Variants in ITFG1 observed in about 807,000 individuals in gnomAD.
ITFG1 encodes T-cell immunomodulatory protein.
In ITFG1, 34 loss-of-function variants were observed where a neutral mutation model predicts 81.8. The observed-to-expected ratio is 0.42, with a 90% CI of 0.32 to 0.55. ITFG1 has a LOEUF of 0.55. Among genes scored for constraint, ITFG1 ranks in the 20% least tolerant of loss-of-function variants. The pLI, the probability that ITFG1 is intolerant of heterozygous loss-of-function variation, is 0.17. For missense variants in ITFG1, 672 were observed against 755.4 expected, an observed-to-expected ratio of 0.89 and a Z score of 1.29; for synonymous variants, 285 against 270.6, an observed-to-expected ratio of 1.05 and a Z score of -0.52.
intron 8 of ITFG1, among the ~76,000 whole-genome samples, chr16:47,351,040 A>T (rs1967945797): frequency 6.6e-6 from 1 of 152,228 alleles, no homozygotes. Context: ...TCAATAAACT[A>T]GGTATTGATG....
At chr16:47,293,944 T>A (rs751052839) in intron 10 of ITFG1, among the ~76,000 whole-genome samples, 18 of 152,196 alleles carry the variant, frequency 1.2e-4, no homozygotes, top group South Asian at 6.2e-4. Context: ...AGCTGCCTGG[T>A]GGCCAGAAGA....
At chr16:47,179,217 C>T (rs1965068287) in intron 14 of ITFG1, among the ~76,000 whole-genome samples, 1 of 152,160 alleles carries the variant, frequency 6.6e-6, no homozygotes, top group Admixed American at 6.5e-5. Flanking sequence ...CCCAGCCATC[C>T]CATTACTGGG....
At chr16:47,315,413 A>C (rs958261708) in intron 8 of ITFG1, among the ~76,000 whole-genome samples, 3 of 152,170 alleles carry the variant, frequency 2.0e-5, no homozygotes, top group Admixed American at 2.0e-4. Context: ...ACTTCATTAA[A>C]ACCAAACCAT....
intron 6 of ITFG1, among the ~76,000 whole-genome samples, chr16:47,427,717 T>C (rs1969041308): frequency 6.6e-6 from 1 of 152,218 alleles, no homozygotes; most frequent in South Asian, 2.1e-4. Flanking sequence ...ACAGCACAGA[T>C]GTGTACAGCA....
chr16:47,307,167 A>C (rs1967182599), intron 10 of ITFG1, among the ~76,000 whole-genome samples: 1 of 151,304 alleles, frequency 6.6e-6, no homozygotes, highest in South Asian at 2.1e-4. Context: ...GAAATTAAAA[A>C]GGCAAATAAT....
intron 8 of ITFG1, among the ~76,000 whole-genome samples, chr16:47,326,463 G>C (rs1359607055): frequency 6.6e-6 from 1 of 152,172 alleles, no homozygotes; most frequent in Non-Finnish European, 1.5e-5. Context: ...AGTGTTGGAA[G>C]TTCTGGCCAG....
chr16:47,316,811 G>A (rs766110504), intron 8 of ITFG1, among the ~76,000 whole-genome samples: 45 of 152,330 alleles, frequency 3.0e-4, no homozygotes, highest in Non-Finnish European at 5.7e-4. Flanking sequence ...CACAAGGCTA[G>A]GAGCTAGAAT....
chr16:47,204,578 A>T (rs1315213713), intron 14 of ITFG1, among the ~76,000 whole-genome samples: 1 of 152,124 alleles, frequency 6.6e-6, no homozygotes, highest in African/African-American at 2.4e-5. Flanking sequence ...TCTGACTGTT[A>T]TGCTAAGGAG....
At chr16:47,188,531 C>A (rs1965253308) in intron 14 of ITFG1, among the ~76,000 whole-genome samples, 1 of 146,740 alleles carries the variant, frequency 6.8e-6, no homozygotes, top group Admixed American at 7.1e-5. Flanking sequence ...CCAAACACCG[C>A]ATATTCTCAC....
intron 14 of ITFG1, among the ~76,000 whole-genome samples, chr16:47,181,974 T>C (rs544697755): frequency 1.3e-5 from 2 of 152,270 alleles, no homozygotes; most frequent in African/African-American, 4.8e-5. Context: ...AAACAGATGC[T>C]TGAAGGCAGC....
rs560966944 is a variant in ITFG1 at position 47,172,346 on chromosome 16, G to C, written c.1454-9682C>G. 5.3e-5 allele frequency among the ~76,000 whole-genome samples: 8 copies of C among 152,262 alleles called. No individual in the cohort carries two copies. The South Asian group carries it at 1.7e-3, about 32-fold the overall frequency. ...CTAAAAGGTACAAAAAAATTAGCCA[G>C]GCGTGGTGGCGCATGCCTGTAGTCC... On this transcript the variant is annotated intron_variant, in intron 14 of 17. Transcript: ENST00000320640.
At chr16:47,324,412 G>C (rs550649254) in intron 8 of ITFG1, among the ~76,000 whole-genome samples, 42 of 152,218 alleles carry the variant, frequency 2.8e-4, no homozygotes, top group Admixed American at 7.2e-4. Flanking sequence ...TCAAGGCTAG[G>C]AAGAAACTGC....
chr16:47,429,809 G>C (rs959524439), intron 5 of ITFG1, among the ~76,000 whole-genome samples: 8 of 151,914 alleles, frequency 5.3e-5, no homozygotes, highest in Non-Finnish European at 8.8e-5. Context: ...TCCATCCATC[G>C]ATCCATCCAT....
intron 14 of ITFG1, among the ~76,000 whole-genome samples, chr16:47,183,466 C>G (rs568614846): frequency 6.6e-6 from 1 of 152,258 alleles, no homozygotes; most frequent in South Asian, 2.1e-4. Context: ...AAGTGGGTCC[C>G]TGACCCCTGA....
rs533421782 is a variant in ITFG1, at chr16:47,254,919, C to A, written c.1330+3713G>T. Reference sequence around the variant, plus strand: ...TGGCCAACATGGCAAAAACTCGTCTCTACTAAAAATACAAAAGATTAGCGA... The same window carrying A: ...TGGCCAACATGGCAAAAACTCGTCTATACTAAAAATACAAAAGATTAGCGA... On this transcript the variant is annotated intron_variant, in intron 12 of 17. Transcript: ENST00000320640. 4.6e-5 allele frequency among the ~76,000 whole-genome samples: 7 copies of A among 152,202 alleles called. No homozygotes were observed. In the East Asian group the frequency reaches 1.4e-3, roughly 30 times the overall value.
intron 5 of ITFG1, chr16:47,450,447 G>A (rs1969374544): frequency 2.4e-6 from 1 of 418,370 alleles, no homozygotes. Context: ...CGTTCAGGGT[G>A]GTATGGCTGT....
At chr16:47,215,583 T>A (rs1443508718) in intron 14 of ITFG1, among the ~76,000 whole-genome samples, 3 of 152,184 alleles carry the variant, frequency 2.0e-5, no homozygotes, top group African/African-American at 7.2e-5. Context: ...ACACATACAA[T>A]TTGCATTCCC....
At chr16:47,332,219 TAAA>T (rs1468487119) in intron 8 of ITFG1, among the ~76,000 whole-genome samples, 1 of 150,284 alleles carries the variant, frequency 6.7e-6, no homozygotes, top group African/African-American at 2.5e-5. Context: ...TAAAATAAAA[TAAA>T]AAAAGAAGGG....
intron 1 of ITFG1, among the ~76,000 whole-genome samples, chr16:47,460,072 T>A (rs560154990): frequency 6.6e-6 from 1 of 152,306 alleles, no homozygotes; most frequent in Admixed American, 6.5e-5. Context: ...AAAGTTAGTT[T>A]AACGATTGTC....
Sources: gnomAD v4.1 joint callset for allele counts (sites outside exome capture counted in the v4.1 genomes callset) on GRCh38, gnomAD v4.1.1 for gene constraint, MANE v1.5 for transcripts, NCBI Gene and HGNC (gene_info 2026-07-23, HGNC 2026-07-21) for gene names.